ERBB4: variants seen among roughly 807,000 people sequenced by gnomAD.
The protein encoded by ERBB4 is receptor tyrosine-protein kinase erbB-4.
In ERBB4, 42 loss-of-function variants were observed where a neutral mutation model predicts 158.0. That is an observed-to-expected ratio of 0.27 (90% CI 0.21 to 0.34). The LOEUF is 0.34. Among genes scored for constraint, ERBB4 ranks in the 10% least tolerant of loss-of-function variants. The pLI, the probability that ERBB4 is intolerant of heterozygous loss-of-function variation, is 1.00. For synonymous variants in ERBB4, 583 were observed against 558.7 expected (o/e 1.04, Z -0.61); for missense variants, 1,333 against 1,624.1 (o/e 0.82, Z 3.08).
chr2:211,452,750 A>G (rs1314834726), intron 20 of ERBB4, among the ~76,000 whole-genome samples: 2 of 152,162 alleles, frequency 1.3e-5, no homozygotes, highest in African/African-American at 4.8e-5. Context: ...TAGAACCTTA[A>G]TTACATTTCA....
chr2:211,420,264 C>A (rs2125402900), intron 25 of ERBB4, among the ~76,000 whole-genome samples, 177 bp downstream of exon 25: 1 of 152,032 alleles, frequency 6.6e-6, no homozygotes, highest in African/African-American at 2.4e-5. Flanking sequence ...TGCTTGTCTT[C>A]CAAAATTAAC....
intron 20 of ERBB4, among the ~76,000 whole-genome samples, chr2:211,479,802 AC>A (rs1213371804): frequency 6.6e-6 from 1 of 152,206 alleles, no homozygotes; most frequent in Non-Finnish European, 1.5e-5. Context: ...AAATATTTGG[AC>A]AAAATATTTA....
intron 2 of ERBB4, among the ~76,000 whole-genome samples, chr2:212,105,146 C>A (rs1038787823): frequency 2.0e-5 from 3 of 152,194 alleles, no homozygotes; most frequent in African/African-American, 7.2e-5. Context: ...TTCCCTAACA[C>A]CTAAACTTCA....
At chr2:211,444,966 G>A (rs1436802657) in intron 20 of ERBB4, among the ~76,000 whole-genome samples, 2 of 151,880 alleles carry the variant, frequency 1.3e-5, no homozygotes, top group Admixed American at 6.6e-5. Context: ...TTAAATTTTT[G>A]GATAAAATAC....
At chr2:212,264,465 T>C (rs1439368333) in intron 1 of ERBB4, among the ~76,000 whole-genome samples, 1 of 152,092 alleles carries the variant, frequency 6.6e-6, no homozygotes, top group Non-Finnish European at 1.5e-5. Flanking sequence ...TGTATATTAC[T>C]GGAAGAAGAA....
At chr2:211,486,343 A>G (rs756474976) in intron 20 of ERBB4, among the ~76,000 whole-genome samples, 2 of 152,168 alleles carry the variant, frequency 1.3e-5, no homozygotes, top group African/African-American at 4.8e-5. Context: ...TTTGTCCTCA[A>G]TAGTGTAGAT....
At chr2:212,362,655 C>T (rs2089731869) in intron 1 of ERBB4, among the ~76,000 whole-genome samples, 1 of 150,858 alleles carries the variant, frequency 6.6e-6, no homozygotes, top group Admixed American at 6.7e-5. Context: ...GAATATAAAA[C>T]TTCATTTTAC....
At chr2:212,409,455 T>C (rs949626038) in intron 1 of ERBB4, among the ~76,000 whole-genome samples, 6 of 152,124 alleles carry the variant, frequency 3.9e-5, no homozygotes, top group Non-Finnish European at 5.9e-5. Context: ...AAATTCTATA[T>C]GTAAGTATGA....
Position 211,725,335 on chromosome 2 carries a change from A to G in ERBB4, c.623-141T>C. 3 of 684,072 alleles carry G rather than the reference A, an allele frequency of 4.4e-6. No individual in the cohort carries two copies. In the East Asian group the frequency reaches 8.0e-5, roughly 18 times the overall value. The allele number at this position is 684,072 out of a possible 1,614,324, so 42.4% of individuals were successfully genotyped here. A position where few individuals can be genotyped will look rare whatever the true frequency, so the allele number is the denominator to read the frequency against. On this transcript the variant is annotated intron_variant, in intron 5 of 27. Transcript: ENST00000342788. ...AATGAATGAGGTTTACAACTAGATC[A>G]AAATTTTTATACAAAAATCTCCAAA...
intron 2 of ERBB4, among the ~76,000 whole-genome samples, chr2:212,025,515 C>A (rs779198766): frequency 3.3e-5 from 5 of 151,720 alleles, no homozygotes; most frequent in Non-Finnish European, 5.9e-5. Context: ...AGATAATTTT[C>A]CTTGCCCATT....
At chr2:211,704,022 AGAGT>A (rs2073347657) in intron 11 of ERBB4, 78 bp downstream of exon 11, 1 of 833,706 alleles carries the variant, frequency 1.2e-6, no homozygotes, top group Non-Finnish European at 2.1e-6. Context: ...TAAATCAATA[AGAGT>A]GATAGTTTTG....
At chr2:211,673,516 T>C (rs1434697062) in intron 13 of ERBB4, among the ~76,000 whole-genome samples, 2 of 19,696 alleles carry the variant, frequency 1.0e-4, no homozygotes, top group Admixed American at 4.4e-4. Context: ...TCCAGCAATC[T>C]CAAAAAAAAA....
At position 211,580,859 on chromosome 2, in the gene ERBB4, GCATATACATATA is replaced by G. The variant is rs1348796623; in HGVS notation, c.2302-18783_2302-18772del. Among the ~76,000 whole-genome samples, 40 of 66,044 alleles carry G rather than the reference GCATATACATATA, an allele frequency of 6.1e-4. 3 individuals are homozygous for G. The highest frequency in any genetic ancestry group is 2.8e-3 in the African/African-American group (40 of 14,422). The allele number at this position is 66,044 out of a possible 152,430, so 43.3% of individuals were successfully genotyped here. A position where few individuals can be genotyped will look rare whatever the true frequency, so the allele number is the denominator to read the frequency against. On this transcript the variant is annotated intron_variant, in intron 19 of 27. Coordinates refer to ENST00000342788, the MANE Select transcript of ERBB4 (RefSeq NM_005235.3). ...AGATTATATATTATATATATAGTAT[GCATATACATATA>G]TATATATATATATATATATATATAT...
At chr2:211,783,361 C>T (rs2076080676) in intron 4 of ERBB4, among the ~76,000 whole-genome samples, 1 of 152,186 alleles carries the variant, frequency 6.6e-6, no homozygotes, top group African/African-American at 2.4e-5. Flanking sequence ...CCCTTTATTT[C>T]TTTCTCCTGC....
At chr2:211,872,293 G>A (rs2078370854) in intron 3 of ERBB4, among the ~76,000 whole-genome samples, 1 of 152,126 alleles carries the variant, frequency 6.6e-6, no homozygotes. Flanking sequence ...TTCAAGGATG[G>A]ATATAAAGTA....
intron 9 of ERBB4, among the ~76,000 whole-genome samples, chr2:211,709,195 C>T (rs998762146): frequency 6.8e-6 from 1 of 147,838 alleles, no homozygotes; most frequent in African/African-American, 2.5e-5. Flanking sequence ...AAACTTTCCT[C>T]CACTCTGGGC....
intron 19 of ERBB4, among the ~76,000 whole-genome samples, chr2:211,615,884 G>T (rs893934275): frequency 6.6e-6 from 1 of 152,042 alleles, no homozygotes. Flanking sequence ...GGAGAAAAGG[G>T]AGTCTAATGA....
At chr2:212,041,201 G>A (rs558580030) in intron 2 of ERBB4, among the ~76,000 whole-genome samples, 6 of 152,240 alleles carry the variant, frequency 3.9e-5, no homozygotes, top group South Asian at 2.1e-4. Flanking sequence ...AAAGTGTAGC[G>A]TATGTTATTT....
intron 2 of ERBB4, among the ~76,000 whole-genome samples, chr2:212,019,901 AT>A (rs1369383233): frequency 6.6e-6 from 1 of 152,106 alleles, no homozygotes; most frequent in Non-Finnish European, 1.5e-5. Flanking sequence ...GATGGGGTCT[AT>A]ATTTAATGTT....
Sources: allele counts gnomAD v4.1 joint callset (sites outside exome capture counted in the v4.1 genomes callset), GRCh38; gene constraint gnomAD v4.1.1; transcripts MANE v1.5; gene names NCBI Gene and HGNC (gene_info 2026-07-23, HGNC 2026-07-21).